THEM4: variants seen among roughly 807,000 people sequenced by gnomAD.
THEM4 encodes acyl-coenzyme A thioesterase THEM4.
In THEM4, 22 loss-of-function variants were observed where a neutral mutation model predicts 25.0. The observed-to-expected ratio is 0.88, with a 90% confidence interval of 0.63 to 1.26. The LOEUF (loss-of-function observed/expected upper bound fraction) is 1.26, where lower values mean the gene tolerates loss of function less well. Ranked by LOEUF, THEM4 falls within the 50% of genes most tolerant of loss-of-function variation. The probability of loss-of-function intolerance (pLI) is 0.00; values close to 1 mark genes in which losing one functional copy is unlikely to be tolerated. For missense variants in THEM4, 286 were observed against 300.3 expected, an observed-to-expected ratio of 0.95 and a Z score of 0.35; for synonymous variants, 113 against 105.6, an observed-to-expected ratio of 1.07 and a Z score of -0.43.
intron 1 of THEM4, among the ~76,000 whole-genome samples, chr1:151,901,288 A>C (rs1012378818): frequency 5.3e-5 from 8 of 152,240 alleles, no homozygotes; most frequent in Admixed American, 5.2e-4. Context: ...ACAAGTCATC[A>C]AGACAGAAAG....
intron 2 of THEM4, chr1:151,890,851 G>A (rs899641212): frequency 6.6e-6 from 1 of 152,168 alleles, no homozygotes; most frequent in African/African-American, 2.4e-5. Context: ...CATACAATGA[G>A]GAGATAAAAC....
rs983728312 is a variant in THEM4 at position 151,893,859 on chromosome 1, CT to C, written c.286+1148del. Among the ~76,000 whole-genome samples the C allele has an allele frequency of 7.3e-3, 1,061 of 144,544 alleles. 15 individuals are homozygous for C. The highest frequency in any genetic ancestry group is 0.022 in the African/African-American group (863 of 39,818). 94.8% of individuals were successfully genotyped at this position (144,544 alleles called of 152,430 possible). ...GCAATATTGAGAGCCTTCTTTTTCTCTTTTTTTTTTTGTAGGGGGGGAGACA... is the reference window on the plus strand; with the variant it reads ...GCAATATTGAGAGCCTTCTTTTTCTCTTTTTTTTTTGTAGGGGGGGAGACA... On this transcript the variant is annotated intron_variant, in intron 2 of 5. Coordinates refer to ENST00000368814, the MANE Select transcript of THEM4 (RefSeq NM_053055.5).
rs1653579490 is a variant in THEM4, at chr1:151,872,659, G to A, written c.*2229C>T. ...CCCAACCCTGTGCTTACAGAAACAT[G>A]TGCTGTATGGAATCAAGGTTTAAGG... On this transcript the variant is annotated 3_prime_UTR_variant, in exon 6 of 6. Coordinates refer to ENST00000368814, the MANE Select transcript of THEM4 (RefSeq NM_053055.5). 6.6e-6 allele frequency among the ~76,000 whole-genome samples: 1 copy of A among 152,200 alleles called. No homozygotes were observed. The highest frequency in any genetic ancestry group is 6.5e-5 in the Admixed American group (1 of 15,284).
At chr1:151,875,029 A>G (rs1324544945) in intron 5 of THEM4, 101 bp from the exon 6 acceptor site, 3 of 977,386 alleles carry the variant, frequency 3.1e-6, no homozygotes, top group African/African-American at 1.6e-5. Context: ...GATTTGATTC[A>G]CATTTGTAGC....
intron 3 of THEM4, 96 bp downstream of exon 3, chr1:151,889,118 A>G: frequency 3.2e-6 from 3 of 931,204 alleles, no homozygotes; most frequent in Non-Finnish European, 3.2e-6. Context: ...CTATGTGACC[A>G]TTTGAAAATC....
intron 4 of THEM4, among the ~76,000 whole-genome samples, chr1:151,879,235 C>A (rs1385833404): frequency 3.3e-5 from 5 of 152,094 alleles, no homozygotes; most frequent in African/African-American, 4.8e-5. Flanking sequence ...AAGGAGGAGT[C>A]TCACTCTGAA....
intron 4 of THEM4, among the ~76,000 whole-genome samples, chr1:151,882,711 ATTTAGTG>A (rs1653872300): frequency 1.3e-5 from 2 of 152,168 alleles, no homozygotes; most frequent in African/African-American, 4.8e-5. Context: ...CTGGTGACTA[ATTTAGTG>A]TTTTTAGTAA....
intron 4 of THEM4, among the ~76,000 whole-genome samples, chr1:151,883,277 AT>A (rs1041299266): frequency 2.7e-5 from 4 of 150,116 alleles, no homozygotes; most frequent in South Asian, 2.1e-4. Flanking sequence ...TGCCCAGCTA[AT>A]TTTTTTTTGC....
At chr1:151,887,868 T>C (rs1179027890) in intron 4 of THEM4, among the ~76,000 whole-genome samples, 1 of 152,136 alleles carries the variant, frequency 6.6e-6, no homozygotes, top group Non-Finnish European at 1.5e-5. Flanking sequence ...CTTCACTTGT[T>C]TTGGTTATTT....
chr1:151,883,009 G>A (rs1653879511), intron 4 of THEM4, among the ~76,000 whole-genome samples: 1 of 152,060 alleles, frequency 6.6e-6, no homozygotes, highest in Admixed American at 6.6e-5. Flanking sequence ...AAGGTGAAGG[G>A]AAAGGGGAAG....
At chr1:151,875,203 TGA>T (rs1653646618) in intron 5 of THEM4, among the ~76,000 whole-genome samples, 1 of 152,182 alleles carries the variant, frequency 6.6e-6, no homozygotes, top group Non-Finnish European at 1.5e-5. Context: ...AAATTACAAG[TGA>T]GCCATCTGGC....
chr1:151,870,914 TG>T lies in THEM4; in HGVS notation c.*3973del, dbSNP rs891553902. ...ATTGTTTCTTAGACATTTAGAAACC[TG>T]GGAGTAAGAGCAAAAACTCACGGCC... On this transcript the variant is annotated 3_prime_UTR_variant, in exon 6 of 6. Transcript: ENST00000368814. Among the ~76,000 whole-genome samples the T allele has an allele frequency of 6.6e-6, 1 of 152,240 alleles. No homozygotes were observed. The highest frequency in any genetic ancestry group is 2.4e-5 in the African/African-American group (1 of 41,456).
rs144741274 is a variant in THEM4 at position 151,873,773 on chromosome 1, G to A, written c.*1115C>T. On this transcript the variant is annotated 3_prime_UTR_variant, in exon 6 of 6. Coordinates refer to ENST00000368814, the MANE Select transcript of THEM4 (RefSeq NM_053055.5). The stretch of plus-strand genomic sequence containing the variant: ...ACAGAGGGAATGCCATGTGAAGATG[G>A]AGGACTGGAATGATGCATCTAGAAG... 5.8e-4 allele frequency: 88 copies of A among 152,370 alleles called. No individual in the cohort carries two copies. The highest frequency in any genetic ancestry group is 3.4e-3 in the Middle Eastern group (1 of 292). The allele number at this position is 152,370 out of a possible 1,614,324, so 9.4% of individuals were successfully genotyped here.
chr1:151,879,860 G>A (rs1175368769), intron 4 of THEM4, among the ~76,000 whole-genome samples: 1 of 151,806 alleles, frequency 6.6e-6, no homozygotes, highest in Non-Finnish European at 1.5e-5. Flanking sequence ...GTTTCACCAT[G>A]TTAGCCAGGA....
chr1:151,901,258 G>A (rs1021765376), intron 1 of THEM4, among the ~76,000 whole-genome samples: 3 of 152,142 alleles, frequency 2.0e-5, no homozygotes, highest in African/African-American at 7.2e-5. Context: ...AACTGAGCTG[G>A]TCTTGGCAGA....
rs1653570901 is a variant in THEM4 at position 151,872,255 on chromosome 1, C to T, written c.*2633G>A. The stretch of plus-strand genomic sequence containing the variant: ...CTTGGCCATCCCAGGTCAGTCAGCT[C>T]TGGCAATGGAGGGCTCCAGCTGATC... On this transcript the variant is annotated 3_prime_UTR_variant, in exon 6 of 6. Transcript: ENST00000368814. Among the ~76,000 whole-genome samples the T allele has an allele frequency of 6.6e-6, 1 of 152,216 alleles. No homozygotes were observed. Among genetic ancestry groups the T allele is most frequent in the Non-Finnish European group, 1.5e-5 (1 of 68,030 alleles).
intron 1 of THEM4, among the ~76,000 whole-genome samples, chr1:151,900,388 C>T (rs540537695): frequency 5.9e-5 from 9 of 152,178 alleles, no homozygotes; most frequent in South Asian, 2.1e-4. Context: ...GACACAGAAC[C>T]GCAGAATGGA....
intron 1 of THEM4, among the ~76,000 whole-genome samples, chr1:151,907,741 G>A (rs1430524391): frequency 6.6e-6 from 1 of 152,130 alleles, no homozygotes; most frequent in Non-Finnish European, 1.5e-5. Flanking sequence ...TCTTTTTGGG[G>A]GGACAGCAAC....
At chr1:151,883,094 T>TTTTATTTATTTATTTATTTATTTA (rs10639543) in intron 4 of THEM4, among the ~76,000 whole-genome samples, 1 of 138,290 alleles carries the variant, frequency 7.2e-6, no homozygotes, top group African/African-American at 2.7e-5. Flanking sequence ...TGTCAAATGC[T>TTTTATTTATTTATTTATTTATTTA]TTTATTTATT....
Sources: gnomAD v4.1 joint callset for allele counts (sites outside exome capture counted in the v4.1 genomes callset) on GRCh38, gnomAD v4.1.1 for gene constraint, MANE v1.5 for transcripts, NCBI Gene and HGNC (gene_info 2026-07-23, HGNC 2026-07-21) for gene names.